Variants in PFKP observed in about 807,000 individuals in gnomAD.
PFKP encodes the protein ATP-dependent 6-phosphofructokinase, platelet type.
Under a neutral mutation model 94.3 loss-of-function variants are expected in PFKP, and 101 were observed. That is an observed-to-expected ratio of 1.07 (90% CI 0.91 to 1.26). The LOEUF is 1.26. Among genes scored for constraint, PFKP ranks in the 50% most tolerant of loss-of-function variants. The probability of loss-of-function intolerance (pLI) is 0.00; values close to 1 mark genes in which losing one functional copy is unlikely to be tolerated. For synonymous variants in PFKP, 573 were observed against 432.6 expected, an observed-to-expected ratio of 1.32 and a Z score of -4.03; for missense variants, 1,145 against 1,103.3, an observed-to-expected ratio of 1.04 and a Z score of -0.53.
chr10:3,125,422 G>T (rs1333779961), intron 16 of PFKP, among the ~76,000 whole-genome samples: 1 of 152,162 alleles, frequency 6.6e-6, no homozygotes, highest in Non-Finnish European at 1.5e-5. Context: ...CTCTGCCTTA[G>T]GGAGAGCCTG....
At chr10:3,133,892 A>G (rs1478517704) in intron 19 of PFKP, among the ~76,000 whole-genome samples, 1 of 152,230 alleles carries the variant, frequency 6.6e-6, no homozygotes, top group Non-Finnish European at 1.5e-5. Flanking sequence ...CACTTCATCA[A>G]GTTAAAAACT....
At chr10:3,090,415 G>A (rs75469139) in intron 2 of PFKP, among the ~76,000 whole-genome samples, 2 of 152,178 alleles carry the variant, frequency 1.3e-5, no homozygotes, top group Admixed American at 6.5e-5. Context: ...TGAGACTAAC[G>A]GGGCAGAGGA....
At chr10:3,104,592 G>T (rs947152963) in intron 5 of PFKP, 1 of 198,928 alleles carries the variant, frequency 5.0e-6, no homozygotes, top group Non-Finnish European at 1.0e-5. Context: ...TTCTCAGTGC[G>T]TGGGCGTGAA....
chr10:3,134,480 CAGGGTGGGG>C lies in PFKP; in HGVS notation c.2023-2_2029del. The C allele has an allele frequency of 1.9e-6, 3 of 1,584,712 alleles. No homozygotes were observed. Among genetic ancestry groups the C allele is most frequent in the Non-Finnish European group, 2.6e-6 (3 of 1,153,300 alleles). The stretch of plus-strand genomic sequence containing the variant: ...TATTTCATATAACTCTAACCACCAA[CAGGGTGGGG>C]CACCCTCTCCATTTGATAGAAACTT... On this transcript the variant is annotated splice_acceptor_variant and coding_sequence_variant, in exon 20 of 22. Coordinates refer to ENST00000381125, the MANE Select transcript of PFKP (RefSeq NM_002627.5). LOFTEE classifies it high-confidence loss of function.
rs144449270 is a variant in PFKP, at chr10:3,074,862, A to G, written c.112+7155A>G. ...GGGGAGACCGTAACCCAGCGGCGCT[A>G]GAGGAATTAAAGACACACACACACA... is the stretch of plus-strand genomic sequence containing the variant. On this transcript the variant is annotated intron_variant, in intron 1 of 21. Coordinates refer to ENST00000381125, the MANE Select transcript of PFKP (RefSeq NM_002627.5). 1.9e-3 allele frequency among the ~76,000 whole-genome samples: 282 copies of G among 152,254 alleles called. 1 individual carries two copies. The highest frequency in any genetic ancestry group is 6.3e-3 in the African/African-American group (262 of 41,536).
At position 3,136,766 on chromosome 10, in the gene PFKP, TGA is replaced by T; in HGVS notation, c.*189_*190del. On this transcript the variant is annotated 3_prime_UTR_variant, in exon 22 of 22. Transcript: ENST00000381125. ...TGTCTCATGCTTTCAGATGTGCATA[TGA>T]GCAGAATTAATTAAACATTTGCCTA... The T allele has an allele frequency of 1.9e-6, 1 of 531,040 alleles. No homozygotes were observed. The highest frequency in any genetic ancestry group is 3.4e-5 in the Admixed American group (1 of 29,586). 32.9% of individuals were successfully genotyped at this position (531,040 alleles called of 1,614,324 possible). A position where few individuals can be genotyped will look rare whatever the true frequency, so the allele number is the denominator to read the frequency against.
At chr10:3,099,734 AGT>A (rs1433685921) in intron 3 of PFKP, among the ~76,000 whole-genome samples, 1 of 152,076 alleles carries the variant, frequency 6.6e-6, no homozygotes, top group Non-Finnish European at 1.5e-5. Flanking sequence ...ACATCAGGAG[AGT>A]GTGGGCTGAA....
chr10:3,105,344 G>A (rs532999103), intron 6 of PFKP, 49 bp from the exon 7 acceptor site: 38 of 1,512,884 alleles, frequency 2.5e-5, no homozygotes, highest in South Asian at 1.1e-4. Flanking sequence ...GGCTGCCCTC[G>A]TGGGAAGGAT....
intron 4 of PFKP, among the ~76,000 whole-genome samples, chr10:3,102,318 T>C (rs923321252): frequency 2.0e-5 from 3 of 150,642 alleles, no homozygotes; most frequent in Admixed American, 1.3e-4. Context: ...GATAAATCTC[T>C]GCCAATACAT....
intron 1 of PFKP, among the ~76,000 whole-genome samples, chr10:3,070,743 C>T (rs1832118672): frequency 6.6e-6 from 1 of 151,908 alleles, no homozygotes; most frequent in African/African-American, 2.4e-5. Flanking sequence ...TCCCGTAGAC[C>T]ACGAAGAGTA....
intron 16 of PFKP, among the ~76,000 whole-genome samples, chr10:3,123,682 C>A (rs1837646155): frequency 6.6e-6 from 1 of 152,254 alleles, no homozygotes. Flanking sequence ...AGCGACATCA[C>A]CTGTCTGAAA....
chr10:3,132,362 C>G lies in PFKP; in HGVS notation c.1849-18C>G. ...TAGTAGAAGTTTATTGTCTGATTAA[C>G]AAAATACTCTCTTCCAGTCCAACGT... On this transcript the variant is annotated intron_variant, in intron 17 of 21. Coordinates refer to ENST00000381125, the MANE Select transcript of PFKP (RefSeq NM_002627.5). 4 of 1,591,162 alleles carry G rather than the reference C, an allele frequency of 2.5e-6. No homozygotes were observed. The highest frequency in any genetic ancestry group is 3.5e-6 in the Non-Finnish European group (4 of 1,159,388).
At chr10:3,121,793 CTT>C (rs140725084) in intron 16 of PFKP, among the ~76,000 whole-genome samples, 1 of 96,878 alleles carries the variant, frequency 1.0e-5, no homozygotes, top group Non-Finnish European at 2.0e-5. Flanking sequence ...TAAACAATTT[CTT>C]TTTTTTTCTT....
chr10:3,089,799 A>G (rs1833908581), intron 2 of PFKP, among the ~76,000 whole-genome samples: 1 of 151,788 alleles, frequency 6.6e-6, no homozygotes, highest in Non-Finnish European at 1.5e-5. Flanking sequence ...AGTATCACTC[A>G]TCCCTGGATT....
Position 3,082,474 on chromosome 10 carries a change from C to T in PFKP, c.186+13C>T, listed in dbSNP as rs1256191069. On this transcript the variant is annotated intron_variant, in intron 2 of 21. Transcript: ENST00000381125. ...CTTCATCTACGAGGTCAGTGTCTGC[C>T]CCTCACCCCCTGTCGCCCTTCTTCC... The T allele has an allele frequency of 2.5e-6, 4 of 1,590,118 alleles. No homozygotes were observed. The highest frequency in any genetic ancestry group is 1.7e-5 in the Admixed American group (1 of 58,720).
Position 3,113,378 on chromosome 10 carries a change from T to C in PFKP, c.1231T>C (p.Cys411Arg). The change falls in exon 13 of 22, where the codon TGC (cysteine) becomes CGC (arginine). Residue 411 changes from cysteine to arginine, a missense_variant. Cys to Arg is a radical substitution (Grantham distance 180, BLOSUM62 -3). Around this residue, in one of 3 missense-constraint regions of PFKP, gnomAD observed 1,119 missense variants for 1,062.8 expected, o/e 1.05. Coordinates refer to ENST00000381125, the MANE Select transcript of PFKP (RefSeq NM_002627.5). ...CCTGCCTTCTGTTTTGCAGACCAAT[T>C]GCAACGTAGCTGTCATCAACGTGGG... ...LPDDQIPKTNCNVAVINVGAP... is the reference protein window; with the variant it reads ...LPDDQIPKTNRNVAVINVGAP... The C allele has an allele frequency of 6.3e-7, 1 of 1,584,336 alleles. No homozygotes were observed. The highest frequency in any genetic ancestry group is 8.6e-7 in the Non-Finnish European group (1 of 1,161,722).
chr10:3,120,368 G>A (rs3814591), intron 16 of PFKP, among the ~76,000 whole-genome samples: 51,240 of 92,586 alleles, frequency 0.55, 8,729 homozygotes, highest in Admixed American at 0.6. Context: ...ATTAAAAATC[G>A]CTGTGTGTGT....
At chr10:3,115,073 C>G (rs1277066001) in intron 13 of PFKP, among the ~76,000 whole-genome samples, 1 of 152,170 alleles carries the variant, frequency 6.6e-6, no homozygotes, top group Non-Finnish European at 1.5e-5. Flanking sequence ...TAAGTACACG[C>G]AGGCATAAAC....
intron 4 of PFKP, 55 bp from the exon 5 acceptor site, chr10:3,103,724 C>G: frequency 6.3e-7 from 1 of 1,597,934 alleles, no homozygotes; most frequent in Non-Finnish European, 8.6e-7. Flanking sequence ...AGTGGGGCAC[C>G]CCCCGAACGC....
Sources: allele counts gnomAD v4.1 joint callset (sites outside exome capture counted in the v4.1 genomes callset), GRCh38; gene constraint gnomAD v4.1.1; regional missense constraint gnomAD v4.1.1; transcripts MANE v1.5; gene names NCBI Gene and HGNC (gene_info 2026-07-23, HGNC 2026-07-21).